Variants in FLT1 observed in about 807,000 individuals in gnomAD.
The protein encoded by FLT1 is fms related receptor tyrosine kinase 1, also known as vascular endothelial growth factor receptor 1.
FLT1 carries 49 observed loss-of-function variants against 156.3 expected under a neutral mutation model. That is an observed-to-expected ratio of 0.31 (90% CI 0.25 to 0.40). FLT1 has a LOEUF of 0.40. Ranked by LOEUF, FLT1 falls within the 10% of genes least tolerant of loss-of-function variation. The pLI is 1.00. For synonymous variants in FLT1, 594 were observed against 583.8 expected (o/e 1.02, Z -0.25); for missense variants, 1,322 against 1,637.2 (o/e 0.81, Z 3.32).
At chr13:28,380,839 C>T (rs1288562985) in intron 14 of FLT1, among the ~76,000 whole-genome samples, 1 of 152,116 alleles carries the variant, frequency 6.6e-6, no homozygotes, top group African/African-American at 2.4e-5. Context: ...ATTGAACAAG[C>T]CAAGACTATG....
At chr13:28,397,249 C>T (rs1414439227) in intron 11 of FLT1, among the ~76,000 whole-genome samples, 181 bp from the exon 12 acceptor site, 1 of 152,154 alleles carries the variant, frequency 6.6e-6, no homozygotes, top group South Asian at 2.1e-4. Flanking sequence ...GGAAAAATAA[C>T]AGGAAAGCAG....
intron 16 of FLT1, among the ~76,000 whole-genome samples, chr13:28,343,663 G>A (rs184010194): frequency 1.5e-3 from 220 of 146,226 alleles, no homozygotes; most frequent in African/African-American, 5.4e-3. Flanking sequence ...TTTTTTCTGA[G>A]ACAGAGTCTC....
At chr13:28,359,121 T>A (rs1873017176) in intron 14 of FLT1, among the ~76,000 whole-genome samples, 1 of 152,014 alleles carries the variant, frequency 6.6e-6, no homozygotes, top group African/African-American at 2.4e-5. Flanking sequence ...TTTGAAAGCT[T>A]AAAAAAAGAA....
intron 3 of FLT1, among the ~76,000 whole-genome samples, chr13:28,450,669 T>C (rs1218103888): frequency 6.6e-6 from 1 of 152,198 alleles, no homozygotes; most frequent in Non-Finnish European, 1.5e-5. Context: ...CCAAGTCCTA[T>C]TATTTATTCC....
At chr13:28,343,869 C>T (rs1181311599) in intron 16 of FLT1, among the ~76,000 whole-genome samples, 1 of 151,762 alleles carries the variant, frequency 6.6e-6, no homozygotes, top group African/African-American at 2.4e-5. Context: ...GTCTCGATCT[C>T]CTGATCTCAT....
intron 10 of FLT1, among the ~76,000 whole-genome samples, chr13:28,421,528 G>A (rs979352631): frequency 9.2e-5 from 8 of 86,632 alleles, no homozygotes; most frequent in Non-Finnish European, 1.5e-4. Flanking sequence ...TGGAGGAGCT[G>A]CTGCACTTTT....
In FLT1 at chr13:28,412,393, T is replaced by C. The variant is rs187899284; in HGVS notation, c.1437-6499A>G. On this transcript the variant is annotated intron_variant, in intron 10 of 29. Transcript: ENST00000282397. ...CTTTCTTTCTTTCTTTCTTTCTTTC[T>C]TTCTTTCTTTCTTTCTTCTCTTTCT... Among the ~76,000 whole-genome samples the C allele has an allele frequency of 5.0e-3, 672 of 133,212 alleles. 15 individuals carry two copies. The highest frequency in any genetic ancestry group is 0.018 in the African/African-American group (612 of 34,426). 87.4% of individuals were successfully genotyped at this position (133,212 alleles called of 152,430 possible).
rs961094369 is a variant in FLT1 at position 28,342,798 on chromosome 13, G to C, written c.2355+2647C>G. ...AATTTATTGACATACTACATAAAGA[G>C]CTTCCCATAAGACCTGGCATATTAA... On this transcript the variant is annotated intron_variant, in intron 16 of 29. Transcript: ENST00000282397. 4.6e-5 allele frequency among the ~76,000 whole-genome samples: 7 copies of C among 152,102 alleles called. No individual in the cohort carries two copies. The South Asian group carries it at 6.2e-4, about 14-fold the overall frequency.
chr13:28,363,878 G>A (rs942769623), intron 14 of FLT1, among the ~76,000 whole-genome samples: 1 of 147,754 alleles, frequency 6.8e-6, no homozygotes, highest in African/African-American at 2.7e-5. Context: ...AAAGTGCTGG[G>A]ATTACAGGGG....
At chr13:28,386,516 A>G in intron 13 of FLT1, 1 of 1,050,194 alleles carries the variant, frequency 9.5e-7, no homozygotes, top group South Asian at 4.6e-5. Flanking sequence ...TCTTCAAACT[A>G]GTGTAGAATG....
chr13:28,312,250 T>C (rs2138814693), intron 25 of FLT1, 152 bp from the exon 26 acceptor site: 1 of 679,310 alleles, frequency 1.5e-6, no homozygotes, highest in South Asian at 1.6e-5. Flanking sequence ...TTTGGGTTTA[T>C]AGCACCAGCA....
chr13:28,319,083 T>C (rs1871329869), intron 24 of FLT1, among the ~76,000 whole-genome samples: 1 of 151,984 alleles, frequency 6.6e-6, no homozygotes, highest in African/African-American at 2.4e-5. Flanking sequence ...GGTAAGGGCA[T>C]TAGAGGTGTG....
At chr13:28,405,944 C>A (rs751227431) in intron 10 of FLT1, 50 bp from the exon 11 acceptor site, 1 of 909,984 alleles carries the variant, frequency 1.1e-6, no homozygotes, top group South Asian at 1.3e-5. Context: ...ATGGTTCAGT[C>A]AATGGGGACA....
chr13:28,320,044 A>C (rs774939588), intron 23 of FLT1, among the ~76,000 whole-genome samples: 5 of 152,220 alleles, frequency 3.3e-5, no homozygotes, highest in African/African-American at 4.8e-5. Flanking sequence ...TCAGTGTTGA[A>C]AGAGAATATA....
At chr13:28,482,409 C>T (rs1232665341) in intron 1 of FLT1, among the ~76,000 whole-genome samples, 1 of 149,676 alleles carries the variant, frequency 6.7e-6, no homozygotes, top group Non-Finnish European at 1.5e-5. Flanking sequence ...GCCTGGACAA[C>T]AAAAGTGAAA....
chr13:28,304,634 A>G (rs537647335), intron 29 of FLT1, among the ~76,000 whole-genome samples: 44 of 152,260 alleles, frequency 2.9e-4, no homozygotes, highest in Non-Finnish European at 5.7e-4. Context: ...ACCATAATCA[A>G]CTTTAGAGCG....
rs1870511054 is a variant in FLT1 at position 28,301,393 on chromosome 13, GA to G, written c.*1773del. ...GTCCCACTCCTCTCTTCTGGCTAGT[GA>G]GTCTTCCACAAAAGCCGCTGCCAGG... On this transcript the variant is annotated 3_prime_UTR_variant, in exon 30 of 30. Coordinates refer to ENST00000282397, the MANE Select transcript of FLT1 (RefSeq NM_002019.4). 1 of 233,008 alleles carries G rather than the reference GA, an allele frequency of 4.3e-6. No individual in the cohort carries two copies. The highest frequency in any genetic ancestry group is 8.5e-6 in the Non-Finnish European group (1 of 117,982). The allele number at this position is 233,008 out of a possible 1,614,324, so 14.4% of individuals were successfully genotyped here.
intron 12 of FLT1, among the ~76,000 whole-genome samples, chr13:28,393,567 A>C (rs1445060937): frequency 6.6e-6 from 1 of 152,098 alleles, no homozygotes; most frequent in Admixed American, 6.5e-5. Flanking sequence ...GCAACTCAAA[A>C]AAATTTTTGT....
At chr13:28,390,880 C>T (rs1318167370) in intron 12 of FLT1, among the ~76,000 whole-genome samples, 2 of 152,186 alleles carry the variant, frequency 1.3e-5, no homozygotes, top group African/African-American at 4.8e-5. Context: ...AAGTGCCAAT[C>T]AATTCCACTT....
Sources: gnomAD v4.1 joint callset for allele counts (sites outside exome capture counted in the v4.1 genomes callset) on GRCh38, gnomAD v4.1.1 for gene constraint, MANE v1.5 for transcripts, NCBI Gene and HGNC (gene_info 2026-07-23, HGNC 2026-07-21) for gene names.